NEBL: variants seen among roughly 807,000 people sequenced by gnomAD.
NEBL encodes nebulette.
A neutral mutation model predicts 140.2 loss-of-function variants in NEBL; 122 were observed. The ratio of observed to expected loss-of-function variants is 0.87; its 90% CI spans 0.75 to 1.01. The LOEUF is 1.01. Ranked by LOEUF, NEBL falls within the 50% of genes least tolerant of loss-of-function variation. The pLI is 0.00. For missense variants in NEBL, 1,365 were observed against 1,231.3 expected, an observed-to-expected ratio of 1.11 and a Z score of -1.62; for synonymous variants, 436 against 398.9, an observed-to-expected ratio of 1.09 and a Z score of -1.11.
At chr10:20,955,489 C>T (rs1835755492) in intron 4 of NEBL, among the ~76,000 whole-genome samples, 2 of 152,054 alleles carry the variant, frequency 1.3e-5, no homozygotes, top group Admixed American at 6.6e-5. Context: ...TGCAAAAGCC[C>T]AGAACAGAGT....
At chr10:20,789,222 C>T (rs1835703507) in intron 26 of NEBL, among the ~76,000 whole-genome samples, 1 of 152,064 alleles carries the variant, frequency 6.6e-6, no homozygotes, top group Admixed American at 6.6e-5. Context: ...CAACTCATGG[C>T]TTCATTAATT....
chr10:20,803,533 CA>C (rs1463254308), intron 26 of NEBL, among the ~76,000 whole-genome samples: 3 of 151,940 alleles, frequency 2.0e-5, no homozygotes, highest in African/African-American at 7.2e-5. Flanking sequence ...CAACAACATC[CA>C]GAAGAAAAAT....
rs1239305207 is a variant in NEBL, at chr10:20,962,868, A to T, written c.250-1089T>A. Among the ~76,000 whole-genome samples the T allele has an allele frequency of 2.6e-5, 4 of 152,144 alleles. No individual in the cohort carries two copies. In the East Asian group the frequency reaches 5.8e-4, roughly 22 times the overall value. On this transcript the variant is annotated intron_variant, in intron 3 of 6. Transcript: ENST00000417816. ...TAGTGTAGTCTTCTGCAGAAGGTAG[A>T]AAAGTTCACTTCGTTGAACATGGAA... is the stretch of plus-strand genomic sequence containing the variant.
chr10:20,969,016 G>A lies in NEBL; in HGVS notation c.250-7237C>T, dbSNP rs530214232. Among the ~76,000 whole-genome samples the A allele has an allele frequency of 4.6e-5, 7 of 152,128 alleles. No individual in the cohort carries two copies. In the East Asian group the frequency reaches 1.2e-3, roughly 25 times the overall value. On this transcript the variant is annotated intron_variant, in intron 3 of 6. Coordinates refer to the NEBL transcript ENST00000417816. ...CTCACTGCACTTTGTTTGGTGCTAA[G>A]CAGGTGCTAAGCATAGATTAAAAGC... is the stretch of plus-strand genomic sequence containing the variant.
chr10:21,124,708 T>G (rs1838735293), intron 2 of NEBL, among the ~76,000 whole-genome samples: 1 of 152,190 alleles, frequency 6.6e-6, no homozygotes, highest in Admixed American at 6.5e-5. Context: ...ATCGCAGCAC[T>G]TTGGGAGGCT....
At position 21,105,295 on chromosome 10, in the gene NEBL, G is replaced by C. The variant is rs148676091; in HGVS notation, c.164+67088C>G. Reference sequence around the variant, plus strand: ...GTTGGCTTGCTACACCCATCAACTCGTCATTTACATTAGGTATTTTCCTAA... The same window carrying C: ...GTTGGCTTGCTACACCCATCAACTCCTCATTTACATTAGGTATTTTCCTAA... On this transcript the variant is annotated intron_variant, in intron 2 of 6. Coordinates refer to the NEBL transcript ENST00000417816. Among the ~76,000 whole-genome samples, 238 of 152,088 alleles carry C rather than the reference G, an allele frequency of 1.6e-3. 1 individual carries two copies. The highest frequency in any genetic ancestry group is 1.9e-3 in the Non-Finnish European group (126 of 67,988).
At chr10:21,233,657 TATAG>T (rs1842297659) in intron 3 of NEBL, among the ~76,000 whole-genome samples, 1 of 144,640 alleles carries the variant, frequency 6.9e-6, no homozygotes, top group African/African-American at 2.5e-5. Flanking sequence ...TATATACATA[TATAG>T]ATATATATCT....
chr10:20,872,038 T>C (rs1291572931), intron 5 of NEBL, among the ~76,000 whole-genome samples: 2 of 152,198 alleles, frequency 1.3e-5, no homozygotes, highest in African/African-American at 2.4e-5. Flanking sequence ...GGGGGAAATG[T>C]CTTTTTGTTT....
chr10:20,799,600 A>T (rs1046853979), intron 26 of NEBL, among the ~76,000 whole-genome samples: 1 of 152,212 alleles, frequency 6.6e-6, no homozygotes, highest in African/African-American at 2.4e-5. Flanking sequence ...ACACTCAAAT[A>T]TAGTTGGGAA....
At chr10:21,286,791 A>G (rs1379686350) in intron 1 of NEBL, among the ~76,000 whole-genome samples, 1 of 151,972 alleles carries the variant, frequency 6.6e-6, no homozygotes, top group East Asian at 1.9e-4. Flanking sequence ...GTGAGCCGAG[A>G]TGGCGCCACT....
intron 1 of NEBL, among the ~76,000 whole-genome samples, chr10:21,266,442 C>T (rs934425408): frequency 9.9e-5 from 15 of 152,272 alleles, no homozygotes; most frequent in Admixed American, 9.8e-4. Context: ...ACTCATACAG[C>T]TCATTACTCA....
intron 7 of NEBL, among the ~76,000 whole-genome samples, chr10:20,860,403 C>T (rs1486103334): frequency 6.6e-6 from 1 of 151,752 alleles, no homozygotes; most frequent in Non-Finnish European, 1.5e-5. Flanking sequence ...AAACCATCTC[C>T]AATACTCTCT....
intron 4 of NEBL, among the ~76,000 whole-genome samples, chr10:20,956,066 G>GTGGC (rs934815995): frequency 6.6e-6 from 1 of 152,120 alleles, no homozygotes; most frequent in African/African-American, 2.4e-5. Flanking sequence ...TTAAGTGACT[G>GTGGC]TGGCTGAAAA....
chr10:21,142,420 A>G (rs1316477352), intron 2 of NEBL, among the ~76,000 whole-genome samples: 3 of 152,050 alleles, frequency 2.0e-5, no homozygotes, highest in Non-Finnish European at 4.4e-5. Flanking sequence ...CCATGGCAAA[A>G]CTACCCATTC....
At position 20,892,327 on chromosome 10, in the gene NEBL, A is replaced by C. The variant is rs138160972; in HGVS notation, c.154-2378T>G. ...AACCCTGTGACATTCTGTCTTCCAC[A>C]TTTTTCTTTCTCAATCAAAGGGAAG... is the stretch of plus-strand genomic sequence containing the variant. On this transcript the variant is annotated intron_variant, in intron 2 of 27. Coordinates refer to ENST00000377122, the MANE Select transcript of NEBL (RefSeq NM_006393.3). Among the ~76,000 whole-genome samples the C allele has an allele frequency of 3.5e-3, 529 of 152,226 alleles. 8 individuals are homozygous for C. The highest frequency in any genetic ancestry group is 0.011 in the African/African-American group (460 of 41,536).
chr10:21,284,722 G>A (rs1390040480), intron 1 of NEBL, among the ~76,000 whole-genome samples: 2 of 152,138 alleles, frequency 1.3e-5, no homozygotes, highest in African/African-American at 2.4e-5. Context: ...CCCTAAAGGG[G>A]TTAGGGAGGC....
intron 22 of NEBL, among the ~76,000 whole-genome samples, chr10:20,815,307 T>C (rs546817700): frequency 1.2e-3 from 180 of 152,320 alleles, no homozygotes; most frequent in Non-Finnish European, 1.3e-3. Context: ...GACAATTATT[T>C]AACGCACACA....
chr10:20,871,439 T>C (rs1844919501), intron 5 of NEBL, among the ~76,000 whole-genome samples: 1 of 152,224 alleles, frequency 6.6e-6, no homozygotes, highest in East Asian at 1.9e-4. Flanking sequence ...CACCCTTTCT[T>C]ACTCCTTTTA....
chr10:21,270,831 T>A (rs1039497151), intron 1 of NEBL, among the ~76,000 whole-genome samples: 2 of 152,182 alleles, frequency 1.3e-5, no homozygotes, highest in Admixed American at 1.3e-4. Flanking sequence ...ACACAACGTA[T>A]GGATATGTAC....
Sources: allele counts gnomAD v4.1 joint callset (sites outside exome capture counted in the v4.1 genomes callset), GRCh38; gene constraint gnomAD v4.1.1; transcripts MANE v1.5; gene names NCBI Gene and HGNC (gene_info 2026-07-23, HGNC 2026-07-21).